The following KCTD8 variants were observed in gnomAD, a reference collection of about 807,000 sequenced individuals.
KCTD8 encodes potassium channel tetramerization domain containing 8, also known as BTB/POZ domain-containing protein KCTD8.
Under a neutral mutation model 31.5 loss-of-function variants are expected in KCTD8, and 27 were observed. That is an observed-to-expected ratio of 0.86 (90% confidence interval 0.63 to 1.18). KCTD8 has a LOEUF of 1.18. Ranked by LOEUF, KCTD8 falls within the 50% of genes most tolerant of loss-of-function variation. KCTD8 has a pLI of 0.00. For synonymous variants in KCTD8, 290 were observed against 280.0 expected, an observed-to-expected ratio of 1.04 and a Z score of -0.36; for missense variants, 658 against 647.7, an observed-to-expected ratio of 1.02 and a Z score of -0.17.
At chr4:44,385,351 G>A (rs1720182052) in intron 1 of KCTD8, among the ~76,000 whole-genome samples, 1 of 151,628 alleles carries the variant, frequency 6.6e-6, no homozygotes, top group African/African-American at 2.4e-5. Flanking sequence ...CATAAAGATA[G>A]ACATATAGAC....
intron 1 of KCTD8, among the ~76,000 whole-genome samples, chr4:44,328,469 C>T (rs16856850): frequency 3.3e-5 from 5 of 151,836 alleles, no homozygotes; most frequent in Non-Finnish European, 5.9e-5. Context: ...CCAATCCCAA[C>T]GGCTCTACCA....
intron 1 of KCTD8, among the ~76,000 whole-genome samples, chr4:44,351,885 C>A (rs1719203969): frequency 6.6e-6 from 1 of 152,046 alleles, no homozygotes; most frequent in African/African-American, 2.4e-5. Flanking sequence ...CCAACTTATT[C>A]AGTCAACATT....
At chr4:44,365,656 A>G (rs1290004096) in intron 1 of KCTD8, among the ~76,000 whole-genome samples, 1 of 152,222 alleles carries the variant, frequency 6.6e-6, no homozygotes, top group Non-Finnish European at 1.5e-5. Flanking sequence ...GATAGAGGAC[A>G]GTATCACCCA....
At chr4:44,311,046 T>A (rs1279609570) in intron 1 of KCTD8, among the ~76,000 whole-genome samples, 2 of 141,364 alleles carry the variant, frequency 1.4e-5, no homozygotes, top group Admixed American at 1.4e-4. Flanking sequence ...TCTTGATGAT[T>A]CCTCTTAAGG....
At chr4:44,323,315 G>A (rs1280967041) in intron 1 of KCTD8, among the ~76,000 whole-genome samples, 2 of 151,844 alleles carry the variant, frequency 1.3e-5, no homozygotes, top group Non-Finnish European at 2.9e-5. Context: ...CCAACATGGT[G>A]AAGCCCTCCC....
chr4:44,233,377 T>G (rs1292339167), intron 1 of KCTD8, among the ~76,000 whole-genome samples: 4 of 152,194 alleles, frequency 2.6e-5, no homozygotes, highest in African/African-American at 9.6e-5. Context: ...GTGAATCTAA[T>G]AATCACAAAT....
At chr4:44,424,381 T>C (rs964729392) in intron 1 of KCTD8, among the ~76,000 whole-genome samples, 2 of 152,062 alleles carry the variant, frequency 1.3e-5, no homozygotes, top group Admixed American at 6.6e-5. Context: ...TACAGTTAGA[T>C]AGACCATCAT....
rs1430225233 is a variant in KCTD8, at chr4:44,448,586, G to GC, written c.-64dup. 5 of 1,372,380 alleles carry GC rather than the reference G, an allele frequency of 3.6e-6. No homozygotes were observed. The African/African-American group carries it at 7.5e-5, about 21-fold the overall frequency. The allele number at this position is 1,372,380 out of a possible 1,614,324, so 85.0% of individuals were successfully genotyped here. A position where few individuals can be genotyped will look rare whatever the true frequency, so the allele number is the denominator to read the frequency against. ...GCACTTTCTCGTTCCCGGAGCCCGC[G>GC]CCCCAGCCCTCCGCGTGCTCCTGGC... On this transcript the variant is annotated 5_prime_UTR_variant, in exon 1 of 2. Coordinates refer to ENST00000360029, the MANE Select transcript of KCTD8 (RefSeq NM_198353.3). The surrounding 1 kb of genome is among the most constrained non-coding windows in gnomAD (Gnocchi z 4.1).
In KCTD8 at chr4:44,194,123, AAC is replaced by A. The variant is rs1245099567; in HGVS notation, c.962-18875_962-18874del. Among the ~76,000 whole-genome samples, 75 of 152,298 alleles carry A rather than the reference AAC, an allele frequency of 4.9e-4. 1 individual carries two copies. The highest frequency in any genetic ancestry group is 2.4e-4 in the Non-Finnish European group (16 of 68,018). On this transcript the variant is annotated intron_variant, in intron 1 of 1. Coordinates refer to ENST00000360029, the MANE Select transcript of KCTD8 (RefSeq NM_198353.3). ...GTATGAGAAGATACATTTAAGACCAAACTTTTCAATGATATGCAGCACATGAT... is the reference window on the plus strand; with the variant it reads ...GTATGAGAAGATACATTTAAGACCAATTTTCAATGATATGCAGCACATGAT...
chr4:44,273,792 G>A (rs1716677281), intron 1 of KCTD8, among the ~76,000 whole-genome samples: 2 of 151,846 alleles, frequency 1.3e-5, no homozygotes, highest in African/African-American at 4.8e-5. Context: ...TAATAAAAAT[G>A]ACTGATAAAC....
chr4:44,208,338 C>T (rs1714378129), intron 1 of KCTD8, among the ~76,000 whole-genome samples: 1 of 152,190 alleles, frequency 6.6e-6, no homozygotes, highest in South Asian at 2.1e-4. Context: ...TATGAAGGAC[C>T]AACTAGCAGG....
At chr4:44,391,230 T>C (rs1404075976) in intron 1 of KCTD8, among the ~76,000 whole-genome samples, 2 of 151,928 alleles carry the variant, frequency 1.3e-5, no homozygotes, top group Non-Finnish European at 2.9e-5. Context: ...CACTGTACAA[T>C]GCCTGGGTGA....
At chr4:44,433,518 T>C (rs1721563779) in intron 1 of KCTD8, among the ~76,000 whole-genome samples, 1 of 151,800 alleles carries the variant, frequency 6.6e-6, no homozygotes. Context: ...TAAGTCTGCA[T>C]TTTACACTCC....
chr4:44,419,644 T>C (rs913840248), intron 1 of KCTD8, among the ~76,000 whole-genome samples: 2 of 151,472 alleles, frequency 1.3e-5, no homozygotes, highest in Non-Finnish European at 2.9e-5. Flanking sequence ...AGGTGGGAAC[T>C]GAACAATGAG....
rs1039202984 is a variant in KCTD8 at position 44,204,067 on chromosome 4, A to G, written c.962-28817T>C. Among the ~76,000 whole-genome samples, 7 of 152,184 alleles carry G rather than the reference A, an allele frequency of 4.6e-5. No homozygotes were observed. The South Asian group carries it at 1.5e-3, about 32-fold the overall frequency. On this transcript the variant is annotated intron_variant, in intron 1 of 1. Transcript: ENST00000360029. ...GGCAGCTCATCATTCTGAAATATAC[A>G]TTACATTATCAGATAAAACAACAAA...
intron 1 of KCTD8, among the ~76,000 whole-genome samples, chr4:44,323,078 T>C (rs567333254): frequency 2.0e-5 from 3 of 152,202 alleles, no homozygotes; most frequent in Admixed American, 1.3e-4. Flanking sequence ...AGGTCTTTTG[T>C]TGTTGCATAC....
chr4:44,217,655 C>T (rs767200459), intron 1 of KCTD8, among the ~76,000 whole-genome samples: 4 of 152,144 alleles, frequency 2.6e-5, no homozygotes, highest in Non-Finnish European at 4.4e-5. Flanking sequence ...GTTGCCAGTG[C>T]GGCTAGAACA....
chr4:44,255,926 A>G (rs940245268), intron 1 of KCTD8, among the ~76,000 whole-genome samples: 2 of 152,002 alleles, frequency 1.3e-5, no homozygotes, highest in Non-Finnish European at 2.9e-5. Flanking sequence ...GTCTGTTCTC[A>G]CGCTGCTAAT....
At chr4:44,359,130 A>G (rs1009694535) in intron 1 of KCTD8, among the ~76,000 whole-genome samples, 1 of 152,032 alleles carries the variant, frequency 6.6e-6, no homozygotes, top group Non-Finnish European at 1.5e-5. Flanking sequence ...CACTCTGATG[A>G]TAGTTTCTTT....
Sources: gnomAD v4.1 joint callset for allele counts (sites outside exome capture counted in the v4.1 genomes callset) on GRCh38, gnomAD v4.1.1 for gene constraint, Gnocchi (gnomAD v3.1) non-coding constraint, MANE v1.5 for transcripts, NCBI Gene and HGNC (gene_info 2026-07-23, HGNC 2026-07-21) for gene names.